Variants in SMYD3 observed in about 807,000 individuals in gnomAD.
The protein encoded by SMYD3 is histone-lysine N-methyltransferase SMYD3.
SMYD3 carries 36 observed loss-of-function variants against 57.7 expected under a neutral mutation model. That is an observed-to-expected ratio of 0.62 (90% CI 0.48 to 0.82). The LOEUF is 0.82. Ranked by LOEUF, SMYD3 falls within the 40% of genes least tolerant of loss-of-function variation. The pLI is 0.00. For synonymous variants in SMYD3, 211 were observed against 195.0 expected, an observed-to-expected ratio of 1.08 and a Z score of -0.68; for missense variants, 515 against 538.8, an observed-to-expected ratio of 0.96 and a Z score of 0.44.
chr1:245,959,436 T>C (rs2057942724), intron 5 of SMYD3, among the ~76,000 whole-genome samples: 2 of 152,230 alleles, frequency 1.3e-5, no homozygotes, highest in Admixed American at 1.3e-4. Flanking sequence ...TTAGAAAACC[T>C]GGGTTCTGGC....
At chr1:245,750,533 G>T (rs2045297182) in intron 11 of SMYD3, among the ~76,000 whole-genome samples, 1 of 152,172 alleles carries the variant, frequency 6.6e-6, no homozygotes, top group Admixed American at 6.5e-5. Flanking sequence ...AGACATTGTA[G>T]AAAAGAAGAA....
intron 5 of SMYD3, among the ~76,000 whole-genome samples, chr1:246,204,370 C>A (rs900533747): frequency 2.0e-5 from 3 of 152,210 alleles, no homozygotes; most frequent in African/African-American, 7.2e-5. Context: ...TCTTACCTGC[C>A]ATGCTTCCCT....
At chr1:245,988,873 A>G (rs13373879) in intron 5 of SMYD3, among the ~76,000 whole-genome samples, 21,349 of 152,258 alleles carry the variant, frequency 0.14, 1,627 homozygotes, top group South Asian at 0.23. Context: ...TGTATGACAC[A>G]TCAGCCTGAG....
At chr1:245,853,820 C>A (rs139046042) in intron 10 of SMYD3, among the ~76,000 whole-genome samples, 1 of 152,314 alleles carries the variant, frequency 6.6e-6, no homozygotes, top group Non-Finnish European at 1.5e-5. Context: ...GTAACCATGG[C>A]AGGTACACAA....
chr1:246,462,863 T>C (rs1382993047), intron 1 of SMYD3, among the ~76,000 whole-genome samples: 1 of 152,040 alleles, frequency 6.6e-6, no homozygotes, highest in Non-Finnish European at 1.5e-5. Flanking sequence ...AAATACATTT[T>C]AATTGAGTAG....
intron 5 of SMYD3, among the ~76,000 whole-genome samples, chr1:246,069,876 T>C (rs2060412855): frequency 1.3e-5 from 2 of 152,168 alleles, no homozygotes; most frequent in African/African-American, 4.8e-5. Context: ...CAGTGAGCTA[T>C]TGGACTGCCC....
intron 10 of SMYD3, among the ~76,000 whole-genome samples, chr1:245,803,593 G>A (rs1363723621): frequency 6.6e-6 from 1 of 152,158 alleles, no homozygotes; most frequent in Non-Finnish European, 1.5e-5. Context: ...GCAAACCCCA[G>A]CCACGTGGAG....
intron 5 of SMYD3, among the ~76,000 whole-genome samples, chr1:245,954,197 T>C (rs541808526): frequency 2.3e-4 from 35 of 152,378 alleles, no homozygotes; most frequent in African/African-American, 7.9e-4. Flanking sequence ...CTGGTATAAA[T>C]GCTTGTAGTA....
At chr1:246,063,539 C>A (rs1025448274) in intron 5 of SMYD3, among the ~76,000 whole-genome samples, 1 of 134,550 alleles carries the variant, frequency 7.4e-6, no homozygotes, top group African/African-American at 2.8e-5. Context: ...TTCCTTTCCT[C>A]CTTCCTTCCC....
chr1:246,144,659 A>ACACCAACTGGCAATCTACCC (rs2061814701), intron 5 of SMYD3, among the ~76,000 whole-genome samples: 1 of 152,204 alleles, frequency 6.6e-6, no homozygotes, highest in Admixed American at 6.5e-5. Context: ...TAATTAGCTG[A>ACACCAACTGGCAATCTACCC]CACCAACTGG....
rs921753733 is a variant in SMYD3 at position 246,507,160 on chromosome 1, C to T, written c.58G>A (p.Ala20Thr). Reference sequence around the variant, plus strand: ...TCTCCGGGGCGCAGCGGGGTCACGGCGCGCAGCCCGTTTCCCCTCTTGGCG... The same window carrying T: ...TCTCCGGGGCGCAGCGGGGTCACGGTGCGCAGCCCGTTTCCCCTCTTGGCG... ...ATAKRGNGLR[A>T]VTPLRPGELL... The change falls in exon 1 of 12, where the codon GCC becomes ACC. Residue 20 changes from alanine to threonine, a missense_variant. Transcript: ENST00000490107. The T allele has an allele frequency of 1.3e-6, 2 of 1,532,126 alleles. No individual in the cohort carries two copies. The highest frequency in any genetic ancestry group is 1.4e-5 in the African/African-American group (1 of 70,248). 94.9% of individuals were successfully genotyped at this position (1,532,126 alleles called of 1,614,324 possible).
intron 10 of SMYD3, among the ~76,000 whole-genome samples, chr1:245,853,206 T>G (rs2051062614): frequency 6.6e-6 from 1 of 152,240 alleles, no homozygotes; most frequent in South Asian, 2.1e-4. Flanking sequence ...GAACTGGCTC[T>G]GAGTTGTTCT....
chr1:245,941,522 T>G (rs1438335003), intron 5 of SMYD3, among the ~76,000 whole-genome samples: 6 of 152,090 alleles, frequency 3.9e-5, no homozygotes, highest in Admixed American at 2.6e-4. Flanking sequence ...TCAACATTTT[T>G]TTCGTTTGTT....
intron 8 of SMYD3, among the ~76,000 whole-genome samples, chr1:245,868,983 G>A (rs913415521): frequency 6.6e-6 from 1 of 152,062 alleles, no homozygotes; most frequent in Non-Finnish European, 1.5e-5. Flanking sequence ...GTAAATTACT[G>A]TTTTTTATCA....
chr1:246,061,703 C>T (rs538470225), intron 5 of SMYD3, among the ~76,000 whole-genome samples: 9 of 152,170 alleles, frequency 5.9e-5, no homozygotes, highest in East Asian at 3.9e-4. Context: ...CCAGCCTGGG[C>T]GACAGAGTGA....
intron 5 of SMYD3, among the ~76,000 whole-genome samples, chr1:246,087,122 G>A (rs2060734890): frequency 6.6e-6 from 1 of 152,118 alleles, no homozygotes; most frequent in Non-Finnish European, 1.5e-5. Context: ...CCTCTATCTG[G>A]CAGTTCCTTG....
chr1:246,443,313 T>C (rs1383845993), intron 1 of SMYD3, among the ~76,000 whole-genome samples: 1 of 152,220 alleles, frequency 6.6e-6, no homozygotes, highest in Non-Finnish European at 1.5e-5. Context: ...ACTTACCTAA[T>C]GGAATTTGAT....
At chr1:246,294,605 C>CT (rs34272512) in intron 5 of SMYD3, among the ~76,000 whole-genome samples, 49,685 of 148,184 alleles carry the variant, frequency 0.34, 8,939 homozygotes, top group East Asian at 0.73. Context: ...ATTAAGCTTC[C>CT]TTTTTTTTTT....
chr1:245,760,926 G>A (rs1171944453), intron 11 of SMYD3, among the ~76,000 whole-genome samples: 2 of 152,014 alleles, frequency 1.3e-5, no homozygotes, highest in African/African-American at 2.4e-5. Context: ...GCATTGCCTC[G>A]CTTACTCCTC....
Sources: allele counts gnomAD v4.1 joint callset (sites outside exome capture counted in the v4.1 genomes callset), GRCh38; gene constraint gnomAD v4.1.1; transcripts MANE v1.5; gene names NCBI Gene and HGNC (gene_info 2026-07-23, HGNC 2026-07-21).